Variants in WDR27 observed in about 807,000 individuals in gnomAD.
WDR27 encodes WD repeat domain 27.
A neutral mutation model predicts 114.4 loss-of-function variants in WDR27; 100 were observed. That is an observed-to-expected ratio of 0.87 (90% CI 0.74 to 1.03). WDR27 has a LOEUF of 1.03. Among genes scored for constraint, WDR27 ranks in the 50% least tolerant of loss-of-function variants. WDR27 has a pLI of 0.00. For missense variants in WDR27, 1,129 were observed against 1,092.9 expected (o/e 1.03, Z -0.47); for synonymous variants, 449 against 423.1 (o/e 1.06, Z -0.75).
intron 2 of WDR27, among the ~76,000 whole-genome samples, chr6:169,672,965 A>G (rs1313670893): frequency 6.6e-6 from 1 of 152,222 alleles, no homozygotes; most frequent in African/African-American, 2.4e-5. Context: ...AAACATTGCT[A>G]CAAGTATGGA....
At chr6:169,637,610 AAT>A (rs1311663372) in intron 18 of WDR27, among the ~76,000 whole-genome samples, 6 of 151,156 alleles carry the variant, frequency 4.0e-5, no homozygotes, top group Admixed American at 3.3e-4. Flanking sequence ...TATGCGTGTG[AAT>A]ATGTGGCAAG....
intron 25 of WDR27, among the ~76,000 whole-genome samples, chr6:169,539,449 G>A (rs1796580566): frequency 6.6e-6 from 1 of 152,008 alleles, no homozygotes; most frequent in Non-Finnish European, 1.5e-5. Context: ...TTTGCCTACT[G>A]CCCCAAATGC....
the WDR27 span, among the ~76,000 whole-genome samples, chr6:169,431,061 C>A: frequency 6.6e-6 from 1 of 152,164 alleles, no homozygotes; most frequent in Non-Finnish European, 1.5e-5. Flanking sequence ...CTGGTAGCTG[C>A]CCAAGTGAAC....
chr6:169,545,189 T>G (rs1278329293), intron 25 of WDR27, among the ~76,000 whole-genome samples: 1 of 152,040 alleles, frequency 6.6e-6, no homozygotes, highest in Non-Finnish European at 1.5e-5. Context: ...CAGTATGGTA[T>G]TGGTGAAGAG....
rs184894385 is a variant in WDR27, at chr6:169,635,573, G to A, written c.2003+798C>T. Reference sequence around the variant, plus strand: ...GAGTGGGGATGCTCTCATTGAGATCGGGGTGAGATCGGGGATTCCTTGCAA... The same window carrying A: ...GAGTGGGGATGCTCTCATTGAGATCAGGGTGAGATCGGGGATTCCTTGCAA... On this transcript the variant is annotated intron_variant, in intron 19 of 25. Coordinates refer to ENST00000448612, the MANE Select transcript of WDR27 (RefSeq NM_182552.5). Among the ~76,000 whole-genome samples the A allele has an allele frequency of 1.3e-3, 196 of 152,310 alleles. 1 individual carries two copies. Among genetic ancestry groups the A allele is most frequent in the African/African-American group, 4.4e-3 (184 of 41,566 alleles).
intron 18 of WDR27, 140 bp downstream of exon 18, chr6:169,638,399 A>G (rs990103151): frequency 5.0e-5 from 51 of 1,026,366 alleles, no homozygotes; most frequent in Non-Finnish European, 6.3e-5. Context: ...ACTTTTAATC[A>G]GTAACTTTTA....
At position 169,659,650 on chromosome 6, in the gene WDR27, T is replaced by A. The variant is rs1189756218; in HGVS notation, c.1130-132A>T. The A allele has an allele frequency of 1.3e-6, 1 of 789,060 alleles. No individual in the cohort carries two copies. The highest frequency in any genetic ancestry group is 2.1e-6 in the Non-Finnish European group (1 of 477,594). The allele number at this position is 789,060 out of a possible 1,614,324, so 48.9% of individuals were successfully genotyped here. On this transcript the variant is annotated intron_variant, in intron 10 of 25. Transcript: ENST00000448612. The surrounding 1 kb of genome is among the most constrained non-coding windows in gnomAD (Gnocchi z 4.3). ...ACAGTCCAGGCCCCACCACACACTT[T>A]GCAGGCTGTGCACCACATCCTCACA... is the stretch of plus-strand genomic sequence containing the variant.
At chr6:169,669,752 CT>C (rs1778200864) in intron 4 of WDR27, 1 of 152,108 alleles carries the variant, frequency 6.6e-6, no homozygotes, top group Admixed American at 6.5e-5. Context: ...TGTGGCTTAA[CT>C]CATGATGTGA....
intron 21 of WDR27, among the ~76,000 whole-genome samples, chr6:169,618,788 G>A (rs943831510): frequency 2.0e-5 from 3 of 152,100 alleles, no homozygotes; most frequent in Non-Finnish European, 4.4e-5. Context: ...TGGACTTGTA[G>A]GATGACAGTT....
chr6:169,483,177 C>T (rs747105009), intron 25 of WDR27, among the ~76,000 whole-genome samples: 21 of 152,044 alleles, frequency 1.4e-4, no homozygotes, highest in Admixed American at 3.9e-4. Context: ...CAAGAAATAA[C>T]CAAAATCAGA....
intron 25 of WDR27, among the ~76,000 whole-genome samples, chr6:169,554,631 G>C (rs977215892): frequency 6.6e-6 from 1 of 152,080 alleles, no homozygotes; most frequent in South Asian, 2.1e-4. Flanking sequence ...TTCCCGTGTG[G>C]CTTCTGTGCC....
At chr6:169,457,139 C>T (rs372729559), downstream of WDR27, 11 of 172,526 alleles carry the variant, frequency 6.4e-5, no homozygotes, top group East Asian at 9.2e-4. Context: ...GCAGAGGCCA[C>T]GCTCACCACA....
chr6:169,589,169 C>T (rs185758644), intron 23 of WDR27, among the ~76,000 whole-genome samples: 1 of 152,298 alleles, frequency 6.6e-6, no homozygotes, highest in Admixed American at 6.5e-5. Context: ...TGTCTGCCTG[C>T]TGTTTAGATT....
chr6:169,670,828 GAT>G, intron 3 of WDR27, 135 bp from the exon 4 acceptor site: 3 of 1,234,260 alleles, frequency 2.4e-6, no homozygotes. Flanking sequence ...ATGTGATTTT[GAT>G]TCTTTAAGAA....
In WDR27 at chr6:169,675,408, T is replaced by C. The variant is rs139008390; in HGVS notation, c.190-3012A>G. On this transcript the variant is annotated intron_variant, in intron 2 of 25. Transcript: ENST00000448612. ...AGAAGCCAAGCATTTGTTGGTGCCA[T>C]GCTTGTGTCGACAAAAGAGTCGAAC... Among the ~76,000 whole-genome samples the C allele has an allele frequency of 2.3e-3, 350 of 152,270 alleles. 2 individuals carry two copies. The highest frequency in any genetic ancestry group is 7.9e-3 in the African/African-American group (329 of 41,556).
At chr6:169,479,593 A>C (rs1389269400) in intron 25 of WDR27, among the ~76,000 whole-genome samples, 1 of 152,242 alleles carries the variant, frequency 6.6e-6, no homozygotes, top group African/African-American at 2.4e-5. Flanking sequence ...TGAATGAAAC[A>C]AACAAAATCC....
At chr6:169,572,261 C>G (rs1399540279) in intron 25 of WDR27, among the ~76,000 whole-genome samples, 158 bp downstream of exon 25, 1 of 151,962 alleles carries the variant, frequency 6.6e-6, no homozygotes, top group Non-Finnish European at 1.5e-5. Flanking sequence ...GAATTCTGGG[C>G]CGGGCGTGGT....
At chr6:169,437,468 C>A in the WDR27 span, among the ~76,000 whole-genome samples, 1 of 152,008 alleles carries the variant, frequency 6.6e-6, no homozygotes, top group African/African-American at 2.4e-5. Flanking sequence ...TCTTATTTTA[C>A]AGTTTCTACC....
intron 1 of WDR27, among the ~76,000 whole-genome samples, chr6:169,699,510 G>A (rs1238789306): frequency 6.6e-6 from 1 of 152,204 alleles, no homozygotes; most frequent in African/African-American, 2.4e-5. Flanking sequence ...AGGACACGAT[G>A]AAGCCTAAGA....
Sources: allele counts gnomAD v4.1 joint callset (sites outside exome capture counted in the v4.1 genomes callset), GRCh38; gene constraint gnomAD v4.1.1; non-coding constraint Gnocchi (gnomAD v3.1); transcripts MANE v1.5; gene names NCBI Gene and HGNC (gene_info 2026-07-23, HGNC 2026-07-21).